Variants in CTNNA2 observed in about 807,000 individuals in gnomAD.
The protein encoded by CTNNA2 is catenin alpha-2.
Under a neutral mutation model 101.0 loss-of-function variants are expected in CTNNA2, and 42 were observed. The ratio of observed to expected loss-of-function variants is 0.42; its 90% CI spans 0.32 to 0.54. The LOEUF is 0.54. Among genes scored for constraint, CTNNA2 ranks in the 20% least tolerant of loss-of-function variants. The probability of loss-of-function intolerance (pLI) is 0.14; values close to 1 mark genes in which losing one functional copy is unlikely to be tolerated. For missense variants in CTNNA2, 871 were observed against 1,223.1 expected (o/e 0.71, Z 4.29); for synonymous variants, 450 against 456.4 (o/e 0.99, Z 0.18).
chr2:79,728,042 G>A lies in CTNNA2; in HGVS notation c.103-16345G>A, dbSNP rs187925200. Among the ~76,000 whole-genome samples the A allele has an allele frequency of 3.1e-3, 478 of 152,216 alleles. 3 individuals carry two copies. The highest frequency in any genetic ancestry group is 0.011 in the African/African-American group (453 of 41,524). On this transcript the variant is annotated intron_variant, in intron 2 of 18. Coordinates refer to ENST00000402739, the MANE Select transcript of CTNNA2 (RefSeq NM_001282597.3). ...GAATAGTGCCACAGTAAACATACTT[G>A]TGCATGTGTCTTTATAGCAGCATGA...
intron 2 of CTNNA2, 150 bp downstream of exon 2, chr2:79,651,808 A>G: frequency 1.5e-6 from 1 of 662,224 alleles, no homozygotes. Flanking sequence ...AACTATGGGC[A>G]ATCTCATTGC....
chr2:79,349,015 CA>C lies in CTNNA2; in HGVS notation c.-317-24814del, dbSNP rs1677325039. Among the ~76,000 whole-genome samples, 3 of 152,276 alleles carry C rather than the reference CA, an allele frequency of 2.0e-5. No individual in the cohort carries two copies. In the South Asian group the frequency reaches 6.2e-4, roughly 32 times the overall value. ...TGTCAAAGATCATGGAATATCAATA[CA>C]ATATTAAGATAGAAGTCATGATATG... On this transcript the variant is annotated intron_variant, in intron 3 of 21. Coordinates refer to the CTNNA2 transcript ENST00000466387.
rs1681095205 is a variant in CTNNA2, at chr2:79,649,875, T to C, written c.-5-1677T>C. Reference sequence around the variant, plus strand: ...GGTCTATTTGCAAAAGCTTTAGCTGTAAGAGAGCCAGTAAAGAGGCACATT... The same window carrying C: ...GGTCTATTTGCAAAAGCTTTAGCTGCAAGAGAGCCAGTAAAGAGGCACATT... On this transcript the variant is annotated intron_variant, in intron 1 of 18. Coordinates refer to ENST00000402739, the MANE Select transcript of CTNNA2 (RefSeq NM_001282597.3). Among the ~76,000 whole-genome samples the C allele has an allele frequency of 2.0e-5, 3 of 152,134 alleles. No homozygotes were observed. In the South Asian group the frequency reaches 6.2e-4, roughly 31 times the overall value.
rs571910712 is a variant in CTNNA2, at chr2:79,791,957, TC to T, written c.298+47377del. Among the ~76,000 whole-genome samples, 142 of 152,344 alleles carry T rather than the reference TC, an allele frequency of 9.3e-4. 1 individual carries two copies. The highest frequency in any genetic ancestry group is 3.2e-3 in the African/African-American group (131 of 41,576). ...ACTCTACGGAGAAGGACAGGTGGCC[TC>T]CTGCATTCGTAATTGAATTTCTTAA... On this transcript the variant is annotated intron_variant, in intron 3 of 18. Transcript: ENST00000402739.
intron 3 of CTNNA2, among the ~76,000 whole-genome samples, chr2:79,830,021 G>T (rs1678805189): frequency 6.6e-6 from 1 of 152,246 alleles, no homozygotes; most frequent in Middle Eastern, 3.4e-3. Flanking sequence ...AGCTGACCCT[G>T]GGAAAAGGAA....
intron 3 of CTNNA2, among the ~76,000 whole-genome samples, chr2:79,352,954 G>C (rs1443933499): frequency 6.6e-6 from 1 of 152,124 alleles, no homozygotes; most frequent in Non-Finnish European, 1.5e-5. Flanking sequence ...AGGAGAAAGA[G>C]AGCAAAGGGG....
chr2:80,594,708 T>G (rs1295198728), intron 15 of CTNNA2, among the ~76,000 whole-genome samples: 3 of 152,074 alleles, frequency 2.0e-5, no homozygotes. Context: ...CTGCTGCTGC[T>G]TTTGCATGTA....
In CTNNA2 at chr2:79,474,386, A is replaced by G. The variant is rs143045159; in HGVS notation, c.-134-30668A>G. Among the ~76,000 whole-genome samples the G allele has an allele frequency of 1.2e-4, 18 of 152,334 alleles. No homozygotes were observed. In the Middle Eastern group the frequency reaches 0.014, roughly 116 times the overall value. ...TCTCAAATACAACACATTAAGTGAC[A>G]TAAGCCAATGTCTAAAGACTGCATA... On this transcript the variant is annotated intron_variant, in intron 4 of 21. Transcript: ENST00000466387.
rs548946372 is a variant in CTNNA2, at chr2:80,412,143, G to T, written c.1138-7306G>T. Among the ~76,000 whole-genome samples, 9 of 152,252 alleles carry T rather than the reference G, an allele frequency of 5.9e-5. No individual in the cohort carries two copies. In the East Asian group the frequency reaches 1.7e-3, roughly 29 times the overall value. Reference sequence around the variant, plus strand: ...CCACAATGATCCCAGCACTCCCTGGGACCCTGAGGCAGCTTGTCACTGTCT... The same window carrying T: ...CCACAATGATCCCAGCACTCCCTGGTACCCTGAGGCAGCTTGTCACTGTCT... On this transcript the variant is annotated intron_variant, in intron 8 of 18. Coordinates refer to ENST00000402739, the MANE Select transcript of CTNNA2 (RefSeq NM_001282597.3).
intron 16 of CTNNA2, among the ~76,000 whole-genome samples, chr2:80,604,420 A>G (rs1453412687): frequency 6.6e-6 from 1 of 151,872 alleles, no homozygotes; most frequent in African/African-American, 2.4e-5. Context: ...AGAAGAACAT[A>G]CTACTTAGGA....
chr2:79,694,043 G>A lies in CTNNA2; in HGVS notation c.102+42385G>A, dbSNP rs76823213. Among the ~76,000 whole-genome samples the A allele has an allele frequency of 3.4e-3, 516 of 152,048 alleles. 28 individuals are homozygous for A. In the East Asian group the frequency reaches 0.085, roughly 25 times the overall value. ...GTGTTTGCACATACTTATATGAATAGACTAATAATGTTTCAGTAACATTAT... is the reference window on the plus strand; with the variant it reads ...GTGTTTGCACATACTTATATGAATAAACTAATAATGTTTCAGTAACATTAT... On this transcript the variant is annotated intron_variant, in intron 2 of 18. Coordinates refer to ENST00000402739, the MANE Select transcript of CTNNA2 (RefSeq NM_001282597.3).
intron 7 of CTNNA2, among the ~76,000 whole-genome samples, chr2:80,328,636 G>C (rs949939229): frequency 6.6e-6 from 1 of 152,150 alleles, no homozygotes; most frequent in Non-Finnish European, 1.5e-5. Context: ...TAAATCAGAG[G>C]CTGCTTAGGA....
At chr2:80,340,127 A>T (rs934813351) in intron 7 of CTNNA2, among the ~76,000 whole-genome samples, 2 of 152,206 alleles carry the variant, frequency 1.3e-5, no homozygotes, top group African/African-American at 2.4e-5. Flanking sequence ...AATCTTTATC[A>T]CTTGAAGTCA....
chr2:79,222,074 G>C (rs896828527), intron 2 of CTNNA2, among the ~76,000 whole-genome samples: 4 of 152,172 alleles, frequency 2.6e-5, no homozygotes, highest in African/African-American at 9.7e-5. Flanking sequence ...CCAGGAGAGA[G>C]TTCTCAGAAC....
intron 7 of CTNNA2, among the ~76,000 whole-genome samples, chr2:80,109,491 C>T (rs1055115038): frequency 2.0e-5 from 3 of 150,876 alleles, no homozygotes; most frequent in South Asian, 2.1e-4. Flanking sequence ...AACAAACAAA[C>T]AAGAACTTAT....
chr2:79,424,936 C>T (rs2104505157), intron 4 of CTNNA2, among the ~76,000 whole-genome samples: 1 of 152,180 alleles, frequency 6.6e-6, no homozygotes, highest in African/African-American at 2.4e-5. Flanking sequence ...GAAATGTGAA[C>T]TGTATAAATG....
intron 2 of CTNNA2, among the ~76,000 whole-genome samples, chr2:79,220,786 A>C (rs1015851183): frequency 2.6e-5 from 4 of 152,240 alleles, no homozygotes; most frequent in Non-Finnish European, 4.4e-5. Flanking sequence ...CCAAATTTTT[A>C]ACTGTTTCAC....
At chr2:80,594,235 A>G (rs957924088) in intron 15 of CTNNA2, among the ~76,000 whole-genome samples, 3 of 151,998 alleles carry the variant, frequency 2.0e-5, no homozygotes, top group African/African-American at 4.8e-5. Context: ...GTATTTCCCT[A>G]ATGATTAATT....
chr2:79,212,313 G>A (rs912267246), intron 2 of CTNNA2, among the ~76,000 whole-genome samples: 7 of 152,032 alleles, frequency 4.6e-5, no homozygotes, highest in Non-Finnish European at 1.0e-4. Context: ...AGTTTTTTGG[G>A]GCACAGTCCA....
Sources: allele counts gnomAD v4.1 joint callset (sites outside exome capture counted in the v4.1 genomes callset), GRCh38; gene constraint gnomAD v4.1.1; transcripts MANE v1.5; gene names NCBI Gene and HGNC (gene_info 2026-07-23, HGNC 2026-07-21).